ARHGEF38: variants seen among roughly 807,000 people sequenced by gnomAD.
ARHGEF38 encodes Rho guanine nucleotide exchange factor (GEF) 38.
Under a neutral mutation model 79.9 loss-of-function variants are expected in ARHGEF38, and 79 were observed. The ratio of observed to expected loss-of-function variants is 0.99; its 90% confidence interval spans 0.82 to 1.19. The LOEUF (loss-of-function observed/expected upper bound fraction) is 1.19. Ranked by LOEUF, ARHGEF38 falls within the 50% of genes most tolerant of loss-of-function variation. The probability of loss-of-function intolerance (pLI) is 0.00; values close to 1 mark genes in which losing one functional copy is unlikely to be tolerated. For synonymous variants in ARHGEF38, 366 were observed against 328.3 expected (o/e 1.11, Z -1.24); for missense variants, 962 against 907.2 (o/e 1.06, Z -0.78).
At chr4:105,622,434 A>G (rs1201786718) in intron 3 of ARHGEF38, among the ~76,000 whole-genome samples, 1 of 152,212 alleles carries the variant, frequency 6.6e-6, no homozygotes, top group Non-Finnish European at 1.5e-5. Context: ...AAGTTGCCCA[A>G]TAGCCTGGAA....
At chr4:105,681,461 C>G (rs1181318568), downstream of ARHGEF38, among the ~76,000 whole-genome samples, 1 of 150,972 alleles carries the variant, frequency 6.6e-6, no homozygotes, top group Non-Finnish European at 1.5e-5. Flanking sequence ...ATGGAACAGG[C>G]TGTTCATAGT....
At chr4:105,558,152 C>G (rs1482365596) in intron 1 of ARHGEF38, among the ~76,000 whole-genome samples, 1 of 152,098 alleles carries the variant, frequency 6.6e-6, no homozygotes, top group African/African-American at 2.4e-5. Flanking sequence ...GAACTTTATA[C>G]AAAATAACAG....
chr4:105,635,913 T>A (rs1455275542), intron 4 of ARHGEF38, among the ~76,000 whole-genome samples: 1 of 152,114 alleles, frequency 6.6e-6, no homozygotes, highest in African/African-American at 2.4e-5. Flanking sequence ...GTCTGGAGAT[T>A]GAGGAAACAA....
intron 5 of ARHGEF38, among the ~76,000 whole-genome samples, chr4:105,642,469 T>TA (rs1729660242): frequency 6.6e-6 from 1 of 152,214 alleles, no homozygotes. Flanking sequence ...GAATAAAAAG[T>TA]AATGATACAA....
At chr4:105,653,065 T>C (rs1422481713) in intron 7 of ARHGEF38, among the ~76,000 whole-genome samples, 2 of 152,144 alleles carry the variant, frequency 1.3e-5, no homozygotes, top group Non-Finnish European at 2.9e-5. Flanking sequence ...CTGGTTCCGA[T>C]CTTGTTTTGT....
intron 13 of ARHGEF38, among the ~76,000 whole-genome samples, chr4:105,674,668 TA>T (rs1731060016): frequency 6.6e-6 from 1 of 152,010 alleles, no homozygotes; most frequent in African/African-American, 2.4e-5. Context: ...ATATAAAAAC[TA>T]AAAAGTGCTC....
chr4:105,667,640 C>T lies in ARHGEF38; in HGVS notation c.2085C>T (p.Gly695=). The change falls in exon 13 of 14, where the codon GGC becomes GGT. Residue 695 remains glycine (G), a synonymous_variant. Coordinates refer to ENST00000420470, the MANE Select transcript of ARHGEF38 (RefSeq NM_001242729.2). ...GTGATAGCAGCTCATCTCTTAGTGG[C>T]ACATGTGGAAAGTTTGAAACAAATG... ...SIGDSSSSLS[G]TCGKFETNGT... is the part of the protein sequence containing the mutation. 1 of 1,536,514 alleles carries T rather than the reference C, an allele frequency of 6.5e-7. No homozygotes were observed. The highest frequency in any genetic ancestry group is 1.2e-5 in the South Asian group (1 of 84,064).
chr4:105,635,487 A>C (rs1278277676), intron 4 of ARHGEF38, among the ~76,000 whole-genome samples: 2 of 152,148 alleles, frequency 1.3e-5, no homozygotes, highest in Non-Finnish European at 2.9e-5. Flanking sequence ...TTAAAAGAAT[A>C]ACCTTCTCTT....
At chr4:105,561,454 A>AATGGAATGGAATGGAATGGAATG (rs1560684495) in intron 1 of ARHGEF38, 33 of 36,190 alleles carry the variant, frequency 9.1e-4, no homozygotes, top group South Asian at 2.2e-3. Flanking sequence ...AGAATGGAAT[A>AATGGAATGGAATGGAATGGAATG]GAATAGAATA....
intron 8 of ARHGEF38, 24 bp from the exon 9 acceptor site, chr4:105,655,579 T>G (rs2110557360): frequency 6.5e-7 from 1 of 1,532,800 alleles, no homozygotes; most frequent in South Asian, 1.2e-5. Flanking sequence ...TTGCCTTTTT[T>G]GTAACTTTGT....
rs752965433 is a variant in ARHGEF38, at chr4:105,645,346, T to G, written c.833T>G (p.Ile278Ser). 1 of 1,530,404 alleles carries G rather than the reference T, an allele frequency of 6.5e-7. No homozygotes were observed. Among genetic ancestry groups the G allele is most frequent in the African/African-American group, 1.4e-5 (1 of 72,620 alleles). 94.8% of individuals were successfully genotyped at this position (1,530,404 alleles called of 1,614,324 possible). The change falls in exon 6 of 14, where the codon ATT (isoleucine) becomes AGT (serine). Residue 278 changes from isoleucine (I) to serine (S), a missense_variant. Coordinates refer to ENST00000420470, the MANE Select transcript of ARHGEF38 (RefSeq NM_001242729.2). The stretch of plus-strand genomic sequence containing the variant: ...GATGCCTTTGCTGCTGTGAAGGACA[T>G]TAATGTTAACATCAATGAACTTAAA... ...LDDAFAAVKD[I>S]NVNINELKRR...
At chr4:105,659,390 T>C in intron 10 of ARHGEF38, 25 bp downstream of exon 10, 1 of 1,519,238 alleles carries the variant, frequency 6.6e-7, no homozygotes, top group South Asian at 1.2e-5. Context: ...AACACCTAGC[T>C]AGCTACCTTG....
chr4:105,555,781 T>G (rs1725226091), intron 1 of ARHGEF38, among the ~76,000 whole-genome samples: 2 of 152,180 alleles, frequency 1.3e-5, no homozygotes, highest in Non-Finnish European at 2.9e-5. Context: ...GGGAAGCAAG[T>G]TCTCTGGGTT....
At chr4:105,634,177 A>AT (rs1729308552) in intron 4 of ARHGEF38, among the ~76,000 whole-genome samples, 1 of 152,122 alleles carries the variant, frequency 6.6e-6, no homozygotes, top group Non-Finnish European at 1.5e-5. Context: ...ACCTCAGGTG[A>AT]TTTTCCATAC....
At position 105,553,407 on chromosome 4, in the gene ARHGEF38, A is replaced by C. The variant is rs563221100; in HGVS notation, c.196+446A>C. On this transcript the variant is annotated intron_variant, in intron 1 of 13. Transcript: ENST00000420470. ...CTGAACTATGATTGTGGTTATCTTA[A>C]ATAGGGGCATGAAACTATAATCGTG... 2.0e-5 allele frequency among the ~76,000 whole-genome samples: 3 copies of C among 152,322 alleles called. No homozygotes were observed. The South Asian group carries it at 6.2e-4, about 32-fold the overall frequency.
chr4:105,642,558 A>G (rs186160027), intron 5 of ARHGEF38, among the ~76,000 whole-genome samples: 1 of 152,276 alleles, frequency 6.6e-6, no homozygotes, highest in African/African-American at 2.4e-5. Context: ...TAACATTTAA[A>G]GTTAAAGTTC....
chr4:105,654,305 G>A lies in ARHGEF38; in HGVS notation c.1113+136G>A, dbSNP rs1436249391. 16 of 515,726 alleles carry A rather than the reference G, an allele frequency of 3.1e-5. No homozygotes were observed. The Middle Eastern group carries it at 9.2e-4, about 30-fold the overall frequency. 31.9% of individuals were successfully genotyped at this position (515,726 alleles called of 1,614,324 possible). On this transcript the variant is annotated intron_variant, in intron 8 of 13. Transcript: ENST00000420470. Reference sequence around the variant, plus strand: ...GACACCGGATCAAAATTGGAAGGCTGCAAACTGCTGGTAAAGGAAGCCAAT... The same window carrying A: ...GACACCGGATCAAAATTGGAAGGCTACAAACTGCTGGTAAAGGAAGCCAAT...
chr4:105,658,886 A>C (rs1418064630), intron 9 of ARHGEF38, among the ~76,000 whole-genome samples, 168 bp from the exon 10 acceptor site: 2 of 152,162 alleles, frequency 1.3e-5, no homozygotes, highest in African/African-American at 4.8e-5. Context: ...GTCTTTGAAT[A>C]GGTTTAGCCA....
intron 2 of ARHGEF38, among the ~76,000 whole-genome samples, chr4:105,606,119 A>G (rs1217173694): frequency 6.6e-6 from 1 of 152,136 alleles, no homozygotes; most frequent in African/African-American, 2.4e-5. Flanking sequence ...ATTAGACCAA[A>G]TCAGATGATG....
Sources: gnomAD v4.1 joint callset for allele counts (sites outside exome capture counted in the v4.1 genomes callset) on GRCh38, gnomAD v4.1.1 for gene constraint, MANE v1.5 for transcripts, NCBI Gene and HGNC (gene_info 2026-07-23, HGNC 2026-07-21) for gene names.